TSPAN9: variants seen among roughly 807,000 people sequenced by gnomAD.
TSPAN9 encodes the protein tetraspanin-9.
A neutral mutation model predicts 31.0 loss-of-function variants in TSPAN9; 16 were observed. The observed-to-expected ratio is 0.52, with a 90% CI of 0.35 to 0.78. The LOEUF (loss-of-function observed/expected upper bound fraction) is 0.78, where lower values mean the gene tolerates loss of function less well. TSPAN9 is among the 30% of genes least tolerant of loss of function. The pLI is 0.01. For missense variants in TSPAN9, 272 were observed against 312.5 expected (o/e 0.87, Z 0.98); for synonymous variants, 145 against 121.6 (o/e 1.19, Z -1.27).
intron 3 of TSPAN9, among the ~76,000 whole-genome samples, chr12:3,274,007 G>A (rs1225169763): frequency 6.6e-6 from 1 of 152,180 alleles, no homozygotes; most frequent in Non-Finnish European, 1.5e-5. Flanking sequence ...GATGTTGGCA[G>A]CCCAAGGGTG....
intron 2 of TSPAN9, among the ~76,000 whole-genome samples, chr12:3,161,688 G>C (rs1432266384): frequency 6.6e-6 from 1 of 152,150 alleles, no homozygotes; most frequent in Non-Finnish European, 1.5e-5. Context: ...GTACAATTCT[G>C]TGTGTGTGTA....
At chr12:3,264,656 G>A (rs920171008) in intron 3 of TSPAN9, among the ~76,000 whole-genome samples, 2 of 152,252 alleles carry the variant, frequency 1.3e-5, no homozygotes, top group African/African-American at 4.8e-5. Context: ...CTCCACCACA[G>A]GCTCCCGACT....
chr12:3,284,714 T>C lies in TSPAN9; in HGVS notation c.*1598T>C, dbSNP rs918011185. On this transcript the variant is annotated 3_prime_UTR_variant, in exon 9 of 9. Transcript: ENST00000011898. The stretch of plus-strand genomic sequence containing the variant: ...CAAAAAGGTCGCGAATCCGTGGGAC[T>C]GAGCACGGGGACCTCACCCGCTAGC... The C allele has an allele frequency of 6.6e-6, 1 of 152,252 alleles. No individual in the cohort carries two copies. Among genetic ancestry groups the C allele is most frequent in the African/African-American group, 2.4e-5 (1 of 41,444 alleles). The allele number at this position is 152,252 out of a possible 1,614,324, so 9.4% of individuals were successfully genotyped here.
At chr12:3,246,285 G>T (rs1862125824) in intron 3 of TSPAN9, among the ~76,000 whole-genome samples, 1 of 152,064 alleles carries the variant, frequency 6.6e-6, no homozygotes, top group African/African-American at 2.4e-5. Context: ...CCATGATCTA[G>T]TCGCCTCCCC....
At chr12:3,247,230 T>TA (rs1460236526) in intron 3 of TSPAN9, among the ~76,000 whole-genome samples, 1 of 151,026 alleles carries the variant, frequency 6.6e-6, no homozygotes, top group Non-Finnish European at 1.5e-5. Flanking sequence ...CCATGAAACT[T>TA]ACTAAAGGCA....
intron 2 of TSPAN9, among the ~76,000 whole-genome samples, chr12:3,153,593 T>A (rs1046281458): frequency 6.6e-6 from 1 of 152,222 alleles, no homozygotes; most frequent in African/African-American, 2.4e-5. Context: ...TGTTTCCTAT[T>A]TATCCGTTTT....
At chr12:3,153,769 A>C (rs934776578) in intron 2 of TSPAN9, among the ~76,000 whole-genome samples, 15 of 151,110 alleles carry the variant, frequency 9.9e-5, no homozygotes, top group African/African-American at 3.4e-4. Context: ...CTACTGTTGA[A>C]TGTGCAGCTC....
chr12:3,138,649 CTTT>C, intron 2 of TSPAN9, among the ~76,000 whole-genome samples: 1 of 32,100 alleles, frequency 3.1e-5, no homozygotes, highest in African/African-American at 9.5e-5. Flanking sequence ...AAAAAAAGGA[CTTT>C]TTTTTCCTTT....
chr12:3,223,811 AG>A (rs2098385802), intron 3 of TSPAN9, among the ~76,000 whole-genome samples: 1 of 152,164 alleles, frequency 6.6e-6, no homozygotes, highest in Non-Finnish European at 1.5e-5. Context: ...CGATCAGCCT[AG>A]GGGCTGATGG....
At chr12:3,203,198 CCTTT>C (rs956806108) in intron 3 of TSPAN9, among the ~76,000 whole-genome samples, 11 of 152,020 alleles carry the variant, frequency 7.2e-5, no homozygotes, top group African/African-American at 1.7e-4. Flanking sequence ...GCCTGCGGTG[CCTTT>C]CTTCTCCAGG....
intron 2 of TSPAN9, among the ~76,000 whole-genome samples, chr12:3,087,670 G>A (rs2098301267): frequency 6.6e-6 from 1 of 151,902 alleles, no homozygotes; most frequent in South Asian, 2.1e-4. Flanking sequence ...GCCGGGCTTG[G>A]TGGTGCGCAC....
chr12:3,125,121 T>C (rs1406668604), intron 2 of TSPAN9: 2 of 151,586 alleles, frequency 1.3e-5, no homozygotes, highest in Non-Finnish European at 2.9e-5. Flanking sequence ...TTGTAAGATA[T>C]AACACTACAA....
At chr12:3,255,664 G>T (rs1008238624) in intron 3 of TSPAN9, among the ~76,000 whole-genome samples, 2 of 152,190 alleles carry the variant, frequency 1.3e-5, no homozygotes, top group African/African-American at 4.8e-5. Flanking sequence ...AAGAACTGGG[G>T]TGTCTAGCTC....
At chr12:3,146,424 G>A (rs1040745197) in intron 2 of TSPAN9, among the ~76,000 whole-genome samples, 3 of 152,148 alleles carry the variant, frequency 2.0e-5, no homozygotes, top group African/African-American at 7.2e-5. Context: ...CCACCTGTCT[G>A]TCTACCCTCC....
At chr12:3,136,383 T>TA (rs1402065786) in intron 2 of TSPAN9, among the ~76,000 whole-genome samples, 1 of 152,178 alleles carries the variant, frequency 6.6e-6, no homozygotes, top group Non-Finnish European at 1.5e-5. Flanking sequence ...CAGTTTGTGT[T>TA]ACAGTTCACG....
intron 2 of TSPAN9, among the ~76,000 whole-genome samples, chr12:3,097,132 G>A (rs554958239): frequency 3.7e-4 from 57 of 152,128 alleles, no homozygotes; most frequent in African/African-American, 1.3e-3. Context: ...GGCTTTCCTT[G>A]GGTGTCTGGG....
At chr12:3,165,506 T>TCC (rs2098347846) in intron 2 of TSPAN9, among the ~76,000 whole-genome samples, 6 of 151,928 alleles carry the variant, frequency 3.9e-5, no homozygotes, top group Non-Finnish European at 8.8e-5. Flanking sequence ...CACGGGGGAG[T>TCC]CCAGAAGTAT....
At chr12:3,119,880 AGGGCAC>A (rs1263643321) in intron 2 of TSPAN9, among the ~76,000 whole-genome samples, 1 of 152,046 alleles carries the variant, frequency 6.6e-6, no homozygotes, top group Admixed American at 6.5e-5. Flanking sequence ...TGTCACTCAA[AGGGCAC>A]GGGCCTGGCC....
chr12:3,099,562 T>C (rs529598552), intron 2 of TSPAN9, among the ~76,000 whole-genome samples: 1 of 152,382 alleles, frequency 6.6e-6, no homozygotes, highest in South Asian at 2.1e-4. Flanking sequence ...TTTCTGCTTC[T>C]TTGAATGTCT....
Sources: gnomAD v4.1 joint callset for allele counts (sites outside exome capture counted in the v4.1 genomes callset) on GRCh38, gnomAD v4.1.1 for gene constraint, MANE v1.5 for transcripts, NCBI Gene and HGNC (gene_info 2026-07-23, HGNC 2026-07-21) for gene names.